PTPRK: variants seen among roughly 807,000 people sequenced by gnomAD.
PTPRK encodes protein tyrosine phosphatase receptor type K.
Under a neutral mutation model 178.0 loss-of-function variants are expected in PTPRK, and 75 were observed. The ratio of observed to expected loss-of-function variants is 0.42; its 90% CI spans 0.35 to 0.51. The LOEUF (loss-of-function observed/expected upper bound fraction) is 0.51. PTPRK is among the 20% of genes least tolerant of loss of function. The pLI, the probability that PTPRK is intolerant of heterozygous loss-of-function variation, is 0.02. For synonymous variants in PTPRK, 637 were observed against 620.6 expected, an observed-to-expected ratio of 1.03 and a Z score of -0.39; for missense variants, 1,441 against 1,797.8, an observed-to-expected ratio of 0.80 and a Z score of 3.59.
chr6:128,186,737 T>C (rs1009748788), intron 6 of PTPRK, among the ~76,000 whole-genome samples: 4 of 152,106 alleles, frequency 2.6e-5, no homozygotes, highest in Non-Finnish European at 5.9e-5. Flanking sequence ...CTAACAACTT[T>C]TGTACTCAGA....
intron 1 of PTPRK, among the ~76,000 whole-genome samples, chr6:128,461,660 CTTT>C (rs1004138369): frequency 7.6e-4 from 115 of 152,216 alleles, no homozygotes; most frequent in Middle Eastern, 3.4e-3. Context: ...AATTCAGAGG[CTTT>C]TAACGTAGTC....
At chr6:127,995,417 A>T (rs1289090353) in intron 18 of PTPRK, 45 bp downstream of exon 18, 2 of 1,482,168 alleles carry the variant, frequency 1.3e-6, no homozygotes, top group African/African-American at 1.4e-5. Flanking sequence ...AGGTTCATAT[A>T]TATAAGCCAA....
intron 6 of PTPRK, among the ~76,000 whole-genome samples, chr6:128,211,010 G>A (rs1808052465): frequency 6.6e-6 from 1 of 152,036 alleles, no homozygotes; most frequent in Non-Finnish European, 1.5e-5. Context: ...AACAGAAACT[G>A]GAGAGCAAAA....
At chr6:127,975,225 C>T (rs1396322107) in intron 27 of PTPRK, among the ~76,000 whole-genome samples, 2 of 152,134 alleles carry the variant, frequency 1.3e-5, no homozygotes, top group Non-Finnish European at 2.9e-5. Flanking sequence ...TTCACATAAA[C>T]TGCTCAATTA....
chr6:128,245,068 A>T (rs1213486653), intron 3 of PTPRK, among the ~76,000 whole-genome samples: 1 of 152,186 alleles, frequency 6.6e-6, no homozygotes, highest in Non-Finnish European at 1.5e-5. Context: ...GTCCCAAGCT[A>T]CAGTCACACA....
At chr6:127,985,967 C>G in intron 21 of PTPRK, 92 bp from the exon 22 acceptor site, 1 of 1,213,776 alleles carries the variant, frequency 8.2e-7, no homozygotes, top group Non-Finnish European at 1.1e-6. Context: ...ACCCAACTGA[C>G]AATGATAACA....
At chr6:128,026,986 G>GA (rs1774422822) in intron 13 of PTPRK, among the ~76,000 whole-genome samples, 1 of 152,096 alleles carries the variant, frequency 6.6e-6, no homozygotes, top group Non-Finnish European at 1.5e-5. Flanking sequence ...TGCTATATAT[G>GA]AAAAAGACAA....
At chr6:127,975,823 C>T (rs548737268) in intron 27 of PTPRK, among the ~76,000 whole-genome samples, 1 of 152,118 alleles carries the variant, frequency 6.6e-6, no homozygotes, top group South Asian at 2.1e-4. Flanking sequence ...AGGCATGCCA[C>T]CACCATGTCC....
chr6:128,377,010 G>T (rs757137969), intron 2 of PTPRK, among the ~76,000 whole-genome samples: 4 of 152,150 alleles, frequency 2.6e-5, no homozygotes, highest in Non-Finnish European at 5.9e-5. Flanking sequence ...CAGGTCTCTA[G>T]GGAGTTCCAC....
chr6:128,059,370 T>C (rs985029692), intron 13 of PTPRK, among the ~76,000 whole-genome samples: 1 of 152,142 alleles, frequency 6.6e-6, no homozygotes, highest in Non-Finnish European at 1.5e-5. Flanking sequence ...ACCAGATATA[T>C]TCCTACACTA....
chr6:128,285,379 G>T (rs1192990850), intron 3 of PTPRK, among the ~76,000 whole-genome samples: 1 of 152,018 alleles, frequency 6.6e-6, no homozygotes, highest in East Asian at 1.9e-4. Context: ...GCCAGGCACG[G>T]TCACGGGTGC....
At chr6:128,037,822 T>C (rs1207642142) in intron 13 of PTPRK, among the ~76,000 whole-genome samples, 1 of 152,216 alleles carries the variant, frequency 6.6e-6, no homozygotes, top group Non-Finnish European at 1.5e-5. Flanking sequence ...AGTTGAGCAA[T>C]GTATAACATT....
At chr6:128,388,282 T>A (rs1839055492) in intron 2 of PTPRK, among the ~76,000 whole-genome samples, 1 of 152,184 alleles carries the variant, frequency 6.6e-6, no homozygotes, top group African/African-American at 2.4e-5. Flanking sequence ...CTGAATTTTG[T>A]ACCTGGAATA....
At chr6:128,060,742 T>C (rs1211239485) in intron 13 of PTPRK, among the ~76,000 whole-genome samples, 1 of 152,200 alleles carries the variant, frequency 6.6e-6, no homozygotes, top group Admixed American at 6.5e-5. Context: ...AGTTTATAGA[T>C]TATATTTTTA....
At chr6:128,189,881 G>T (rs865854371) in intron 6 of PTPRK, among the ~76,000 whole-genome samples, 1 of 152,240 alleles carries the variant, frequency 6.6e-6, no homozygotes, top group Middle Eastern at 3.4e-3. Context: ...GAAGAAGAAA[G>T]ACATCATTGG....
intron 7 of PTPRK, among the ~76,000 whole-genome samples, chr6:128,105,203 G>A (rs1290216023): frequency 2.7e-5 from 4 of 149,950 alleles, no homozygotes; most frequent in Admixed American, 2.0e-4. Context: ...GCACGATCTC[G>A]GCTCACCGCA....
chr6:128,414,126 A>T (rs1451655063), intron 1 of PTPRK, among the ~76,000 whole-genome samples: 1 of 152,174 alleles, frequency 6.6e-6, no homozygotes, highest in Non-Finnish European at 1.5e-5. Context: ...TATTCATCCT[A>T]AATATACTTA....
At chr6:128,246,697 G>T (rs1173782438) in intron 3 of PTPRK, among the ~76,000 whole-genome samples, 1 of 152,330 alleles carries the variant, frequency 6.6e-6, no homozygotes, top group Admixed American at 6.5e-5. Context: ...TTGATGTCAA[G>T]CAGTCAACCA....
chr6:128,091,959 G>A (rs1027009271), intron 7 of PTPRK, among the ~76,000 whole-genome samples: 9 of 152,130 alleles, frequency 5.9e-5, no homozygotes, highest in African/African-American at 2.2e-4. Context: ...GTGGGCAAAT[G>A]ATTTATTTAT....
Sources: gnomAD v4.1 joint callset for allele counts (sites outside exome capture counted in the v4.1 genomes callset) on GRCh38, gnomAD v4.1.1 for gene constraint, MANE v1.5 for transcripts, NCBI Gene and HGNC (gene_info 2026-07-23, HGNC 2026-07-21) for gene names.